The following ATP9B variants were observed in gnomAD, a reference collection of about 807,000 sequenced individuals.
ATP9B encodes the protein probable phospholipid-transporting ATPase IIB.
In ATP9B, 110 loss-of-function variants were observed where a neutral mutation model predicts 146.1. The ratio of observed to expected loss-of-function variants is 0.75; its 90% CI spans 0.65 to 0.88. The LOEUF is 0.88. ATP9B is among the 40% of genes least tolerant of loss of function. The pLI, the probability that ATP9B is intolerant of heterozygous loss-of-function variation, is 0.00. For synonymous variants in ATP9B, 604 were observed against 569.7 expected, an observed-to-expected ratio of 1.06 and a Z score of -0.86; for missense variants, 1,499 against 1,496.4, an observed-to-expected ratio of 1.00 and a Z score of -0.03.
intron 15 of ATP9B, among the ~76,000 whole-genome samples, chr18:79,311,941 C>T (rs1208731369): frequency 2.0e-5 from 3 of 152,208 alleles, no homozygotes; most frequent in Non-Finnish European, 4.4e-5. Flanking sequence ...TGTGGCTGGG[C>T]GCACTTGCAC....
intron 7 of ATP9B, among the ~76,000 whole-genome samples, chr18:79,164,587 C>A (rs2094936229): frequency 6.6e-6 from 1 of 152,002 alleles, no homozygotes. Flanking sequence ...GACATGGTGG[C>A]GGGCGCCTGT....
At chr18:79,071,889 GTTTT>G (rs71161758) in intron 1 of ATP9B, among the ~76,000 whole-genome samples, 2 of 91,456 alleles carry the variant, frequency 2.2e-5, no homozygotes, top group Non-Finnish European at 4.2e-5. Flanking sequence ...GTTTGGTTTT[GTTTT>G]TTTTTTTTTT....
In ATP9B at chr18:79,376,172, AACACACACACACACACACACACACACAC is replaced by A. The variant is rs373840231; in HGVS notation, c.3307+762_3307+789del. 11 of 853,858 alleles carry A rather than the reference AACACACACACACACACACACACACACAC, an allele frequency of 1.3e-5. No individual in the cohort carries two copies. The African/African-American group carries it at 2.1e-4, about 17-fold the overall frequency. The allele number at this position is 853,858 out of a possible 1,614,324, so 52.9% of individuals were successfully genotyped here. ...CTCATAAAGTCAGCTCTACCTTAGA[AACACACACACACACACACACACACACAC>A]ACACACACACACACAAAACAAAACA... On this transcript the variant is annotated intron_variant, in intron 29 of 29. Coordinates refer to ENST00000426216, the MANE Select transcript of ATP9B (RefSeq NM_198531.5).
chr18:79,139,507 G>T (rs2094488718), intron 5 of ATP9B, among the ~76,000 whole-genome samples: 1 of 152,160 alleles, frequency 6.6e-6, no homozygotes, highest in Non-Finnish European at 1.5e-5. Context: ...CCCCAAAGTG[G>T]CTGTATTTTA....
chr18:79,245,407 G>A (rs569036084), intron 11 of ATP9B, among the ~76,000 whole-genome samples: 64 of 150,716 alleles, frequency 4.2e-4, no homozygotes, highest in African/African-American at 1.5e-3. Flanking sequence ...TAAAATTGAT[G>A]CCTTCCTACA....
intron 15 of ATP9B, among the ~76,000 whole-genome samples, 171 bp from the exon 16 acceptor site, chr18:79,328,970 C>T (rs116445292): frequency 9.0e-4 from 137 of 152,288 alleles, no homozygotes; most frequent in African/African-American, 3.1e-3. Context: ...TCCTCTAGAA[C>T]AATGTTATTC....
intron 9 of ATP9B, among the ~76,000 whole-genome samples, chr18:79,193,782 A>G (rs2095392183): frequency 6.6e-6 from 1 of 152,244 alleles, no homozygotes; most frequent in Non-Finnish European, 1.5e-5. Context: ...TTAACAGCTT[A>G]TAACTGATAT....
At chr18:79,262,259 AT>A (rs993506934) in intron 12 of ATP9B, among the ~76,000 whole-genome samples, 8 of 151,888 alleles carry the variant, frequency 5.3e-5, no homozygotes, top group South Asian at 2.1e-4. Flanking sequence ...TTTGTTTAGA[AT>A]TTTTTTTAAA....
chr18:79,209,307 T>C (rs541537331), intron 10 of ATP9B, among the ~76,000 whole-genome samples: 57 of 152,392 alleles, frequency 3.7e-4, no homozygotes, highest in African/African-American at 1.4e-3. Context: ...GCCTGTTTCT[T>C]CCATCTCACT....
At chr18:79,141,092 A>C (rs899218315) in intron 5 of ATP9B, among the ~76,000 whole-genome samples, 1 of 152,058 alleles carries the variant, frequency 6.6e-6, no homozygotes, top group African/African-American at 2.4e-5. Flanking sequence ...CATAATCCCC[A>C]TGTGTCATGG....
chr18:79,321,007 T>C (rs962828269), intron 15 of ATP9B, among the ~76,000 whole-genome samples: 1 of 152,198 alleles, frequency 6.6e-6, no homozygotes, highest in Non-Finnish European at 1.5e-5. Context: ...AACTTATCAA[T>C]CCTTTACAAT....
chr18:79,072,442 A>T (rs2071971657), intron 1 of ATP9B, among the ~76,000 whole-genome samples: 1 of 152,214 alleles, frequency 6.6e-6, no homozygotes, highest in South Asian at 2.1e-4. Context: ...GACACAGCAC[A>T]TGTTTCAGAG....
At chr18:79,161,651 A>G (rs2094882693) in intron 7 of ATP9B, among the ~76,000 whole-genome samples, 1 of 152,166 alleles carries the variant, frequency 6.6e-6, no homozygotes, top group Admixed American at 6.5e-5. Flanking sequence ...GATCGAGACC[A>G]TCCTGGCTAA....
At chr18:79,319,837 C>T (rs559717375) in intron 15 of ATP9B, among the ~76,000 whole-genome samples, 1 of 152,312 alleles carries the variant, frequency 6.6e-6, no homozygotes, top group African/African-American at 2.4e-5. Flanking sequence ...TCTGCATCTA[C>T]AGAGCTTGGC....
chr18:79,302,621 C>G (rs534241861), intron 13 of ATP9B, among the ~76,000 whole-genome samples: 4 of 152,276 alleles, frequency 2.6e-5, no homozygotes, highest in African/African-American at 9.6e-5. Context: ...TCTTTGTCAC[C>G]TAATACATGG....
Position 79,176,703 on chromosome 18 carries a change from A to G in ATP9B, c.779-110A>G, listed in dbSNP as rs536217056. 8 of 811,010 alleles carry G rather than the reference A, an allele frequency of 9.9e-6. 1 individual carries two copies. The East Asian group carries it at 2.1e-4, about 21-fold the overall frequency. 50.2% of individuals were successfully genotyped at this position (811,010 alleles called of 1,614,324 possible). ...TGTTCCTGGGAATATCTAGATTGTT[A>G]TTTCTTTGTCCTACTGTGCCCTGGA... is the stretch of plus-strand genomic sequence containing the variant. On this transcript the variant is annotated intron_variant, in intron 7 of 29. Transcript: ENST00000426216.
intron 14 of ATP9B, among the ~76,000 whole-genome samples, chr18:79,306,032 C>T (rs1227614985): frequency 1.3e-5 from 2 of 152,204 alleles, no homozygotes; most frequent in Admixed American, 6.5e-5. Context: ...CTCGCAGCAG[C>T]GTGAGCAGGC....
intron 6 of ATP9B, chr18:79,145,258 C>T: frequency 6.9e-6 from 1 of 145,752 alleles, no homozygotes; most frequent in Non-Finnish European, 1.4e-5. Context: ...GTGCAAGCTG[C>T]ATGTCGGGGG....
chr18:79,081,379 G>C (rs541251736), intron 1 of ATP9B, among the ~76,000 whole-genome samples: 9 of 151,540 alleles, frequency 5.9e-5, no homozygotes, highest in African/African-American at 2.2e-4. Context: ...TTTCTTCTAG[G>C]TTTTCTAGTT....
Sources: allele counts gnomAD v4.1 joint callset (sites outside exome capture counted in the v4.1 genomes callset), GRCh38; gene constraint gnomAD v4.1.1; transcripts MANE v1.5; gene names NCBI Gene and HGNC (gene_info 2026-07-23, HGNC 2026-07-21).